The following DYNC1H1 variants were observed in gnomAD, a reference collection of about 807,000 sequenced individuals.
DYNC1H1 encodes cytoplasmic dynein 1 heavy chain 1.
A neutral mutation model predicts 527.1 loss-of-function variants in DYNC1H1; 51 were observed. The observed-to-expected ratio is 0.10, with a 90% CI of 0.08 to 0.12. The LOEUF (loss-of-function observed/expected upper bound fraction) is 0.12. DYNC1H1 is among the 10% of genes least tolerant of loss of function. The pLI, the probability that DYNC1H1 is intolerant of heterozygous loss-of-function variation, is 1.00. For missense variants in DYNC1H1, 2,771 were observed against 5,971.8 expected (o/e 0.46, Z 17.66); for synonymous variants, 2,189 against 2,278.8 (o/e 0.96, Z 1.12).
chr14:101,966,642 AC>A (rs1437983078), intron 1 of DYNC1H1, among the ~76,000 whole-genome samples: 5 of 152,172 alleles, frequency 3.3e-5, no homozygotes, highest in Non-Finnish European at 5.9e-5. Flanking sequence ...GAGTAGCTTG[AC>A]CATTGCTAAT....
rs1260741430 is a variant in DYNC1H1 at position 102,030,311 on chromosome 14, T to A, written c.9883+29T>A. ...TGTAAAGACTGTCAGAGCTTTGATG[T>A]CTAGGAAGGGTGGTCTCCGTCAACA... On this transcript the variant is annotated intron_variant, in intron 51 of 77. Transcript: ENST00000360184. 1.9e-6 allele frequency: 3 copies of A among 1,613,964 alleles called. No homozygotes were observed. In the African/African-American group the frequency reaches 4.0e-5, roughly 22 times the overall value.
At chr14:102,024,528 C>T (rs970058035) in intron 43 of DYNC1H1, among the ~76,000 whole-genome samples, 6 of 152,196 alleles carry the variant, frequency 3.9e-5, no homozygotes, top group South Asian at 4.1e-4. Context: ...AGGTTCACCA[C>T]GTCAGGGAGG....
chr14:102,019,477 T>C (rs1414852673), intron 41 of DYNC1H1, among the ~76,000 whole-genome samples: 1 of 152,248 alleles, frequency 6.6e-6, no homozygotes, highest in Non-Finnish European at 1.5e-5. Flanking sequence ...TTTAAGTATT[T>C]TCAGAAGGAT....
intron 9 of DYNC1H1, 111 bp from the exon 10 acceptor site, chr14:101,988,592 A>C: frequency 2.9e-6 from 4 of 1,382,412 alleles, no homozygotes; most frequent in Non-Finnish European, 4.1e-6. Flanking sequence ...GAAGGCTTCT[A>C]GTCCGGAACT....
rs922811293 is a variant in DYNC1H1 at position 101,997,900 on chromosome 14, AGGT to A, written c.3804+634_3804+636del. ...ATGAGCAAGAAGAGACAGGAAAGGC[AGGT>A]GGTGGTGCTGCTGCGACAGAAGCAG... On this transcript the variant is annotated intron_variant, in intron 16 of 77. Transcript: ENST00000360184. This position sits in a 1 kb window ranked among gnomAD's most constrained non-coding sequence, Gnocchi z 4.8. Among the ~76,000 whole-genome samples, 9 of 152,282 alleles carry A rather than the reference AGGT, an allele frequency of 5.9e-5. No individual in the cohort carries two copies. Among genetic ancestry groups the A allele is most frequent in the African/African-American group, 2.2e-4 (9 of 41,570 alleles).
At position 102,012,987 on chromosome 14, in the gene DYNC1H1, C is replaced by T. The variant is rs1337287139; in HGVS notation, c.7014+517C>T. 6 of 182,720 alleles carry T rather than the reference C, an allele frequency of 3.3e-5. No homozygotes were observed. Among genetic ancestry groups the T allele is most frequent in the Middle Eastern group, 2.7e-3 (1 of 368 alleles). The allele number at this position is 182,720 out of a possible 1,614,324, so 11.3% of individuals were successfully genotyped here. ...AAGACAGGCCGGGCGCGGTGGCTCA[C>T]GCCTGTAATCCCAGCACTTTGGGAG... On this transcript the variant is annotated intron_variant, in intron 34 of 77. Transcript: ENST00000360184. This position sits in a 1 kb window ranked among gnomAD's most constrained non-coding sequence, Gnocchi z 4.9.
chr14:102,012,470 T>C lies in DYNC1H1; in HGVS notation c.7014T>C (p.Asn2338=), dbSNP rs755129592. 7 of 1,614,072 alleles carry C rather than the reference T, an allele frequency of 4.3e-6. No homozygotes were observed. The highest frequency in any genetic ancestry group is 5.9e-6 in the Non-Finnish European group (7 of 1,180,038). The part of the protein sequence containing the change: ...PNGERLSLPP[N]VRIMFEVQDL... ...GAGAGCGCCTCAGTCTTCCACCCAA[T>C]GTAAGTAGCCTTTTGTATGTCGTCA... Residue 2338 remains asparagine (N), a splice_region_variant and synonymous_variant, in exon 34 of 78, where the codon AAT becomes AAC. Coordinates refer to ENST00000360184, the MANE Select transcript of DYNC1H1 (RefSeq NM_001376.5). The surrounding 1 kb of genome is among the most constrained non-coding windows in gnomAD (Gnocchi z 4.9).
At chr14:102,000,181 C>G in intron 17 of DYNC1H1, 37 bp downstream of exon 17, 1 of 1,614,106 alleles carries the variant, frequency 6.2e-7, no homozygotes, top group African/African-American at 1.3e-5. Context: ...GAATCCCGCT[C>G]CCCACCCGGA....
Position 101,979,281 on chromosome 14 carries a change from G to A in DYNC1H1, c.345-38G>A. 1 of 1,603,292 alleles carries A rather than the reference G, an allele frequency of 6.2e-7. No homozygotes were observed. ...TAAATTAATAAGCCTAATTAGGAGT[G>A]TAACTTTTCTAATTTCTTGTTTTAT... On this transcript the variant is annotated intron_variant, in intron 2 of 77. Coordinates refer to ENST00000360184, the MANE Select transcript of DYNC1H1 (RefSeq NM_001376.5). The surrounding 1 kb of genome is among the most constrained non-coding windows in gnomAD (Gnocchi z 4.6).
At chr14:102,040,537 C>T in intron 63 of DYNC1H1, 61 bp from the exon 64 acceptor site, 7 of 1,611,902 alleles carry the variant, frequency 4.3e-6, no homozygotes, top group South Asian at 1.1e-5. Flanking sequence ...CTCGCTCAGT[C>T]GTGGGTTCTG....
intron 52 of DYNC1H1, chr14:102,032,851 T>C: frequency 1.7e-6 from 1 of 603,302 alleles, no homozygotes; most frequent in Non-Finnish European, 2.9e-6. Context: ...AAACCCTGTC[T>C]CATTAAAAAA....
intron 42 of DYNC1H1, among the ~76,000 whole-genome samples, chr14:102,022,264 A>C (rs1375408183): frequency 6.6e-6 from 1 of 151,918 alleles, no homozygotes; most frequent in East Asian, 1.9e-4. Context: ...TGGGAGGCCG[A>C]GGCGGGCGGA....
At position 102,033,515 on chromosome 14, in the gene DYNC1H1, TC is replaced by T; in HGVS notation, c.10413+33del. On this transcript the variant is annotated intron_variant, in intron 54 of 77. Coordinates refer to ENST00000360184, the MANE Select transcript of DYNC1H1 (RefSeq NM_001376.5). The surrounding 1 kb of genome is among the most constrained non-coding windows in gnomAD (Gnocchi z 5.6). ...ATTATCATCATTGATCCTCAGCCTTTCCTGCTGTGGAAGCAGAGATTAACAC... is the reference window on the plus strand; with the variant it reads ...ATTATCATCATTGATCCTCAGCCTTTCTGCTGTGGAAGCAGAGATTAACAC... The T allele has an allele frequency of 4.3e-6, 7 of 1,612,040 alleles. No homozygotes were observed. The highest frequency in any genetic ancestry group is 5.9e-6 in the Non-Finnish European group (7 of 1,178,802).
intron 1 of DYNC1H1, chr14:101,969,581 C>T (rs1323297935): frequency 6.5e-6 from 1 of 154,134 alleles, no homozygotes; most frequent in Non-Finnish European, 1.5e-5. Flanking sequence ...TCAGATGCTT[C>T]TTGGCCTGAC....
Position 102,044,009 on chromosome 14 carries a change from C to T in DYNC1H1, c.12648C>T (p.Cys4216=), listed in dbSNP as rs772003695. 13 of 1,614,080 alleles carry T rather than the reference C, an allele frequency of 8.1e-6. No homozygotes were observed. The highest frequency in any genetic ancestry group is 2.2e-5 in the East Asian group (1 of 44,880). ...EFGESDLRSA[C]DTVDTWLDDT... is the part of the protein sequence containing the mutation. ...GAGAGTCTGACCTGCGGTCAGCTTG[C>T]GATACGGTGGACACGTGGCTGGATG... Residue 4216 remains cysteine (C), a synonymous_variant, in exon 70 of 78, where the codon TGC becomes TGT. Coordinates refer to ENST00000360184, the MANE Select transcript of DYNC1H1 (RefSeq NM_001376.5). This position sits in a 1 kb window ranked among gnomAD's most constrained non-coding sequence, Gnocchi z 7.1.
At chr14:101,978,685 T>G (rs1451277989) in intron 2 of DYNC1H1, among the ~76,000 whole-genome samples, 1 of 152,158 alleles carries the variant, frequency 6.6e-6, no homozygotes, top group Admixed American at 6.5e-5. Context: ...CATAACTAAT[T>G]GTAATACTTG....
At chr14:101,976,751 A>G (rs559290226) in intron 2 of DYNC1H1, among the ~76,000 whole-genome samples, 1 of 152,326 alleles carries the variant, frequency 6.6e-6, no homozygotes, top group Admixed American at 6.5e-5. Context: ...CTCAGGTTAC[A>G]GTCAGCCCTC....
chr14:101,986,638 G>T lies in DYNC1H1; in HGVS notation c.2413G>T (p.Val805Leu). Residue 805 changes from valine (V) to leucine (L), a missense_variant, in exon 8 of 78, where the codon GTG (valine) becomes TTG (leucine). By Grantham distance (32) the Val-to-Leu change is conservative. Transcript: ENST00000360184. This position sits in a 1 kb window ranked among gnomAD's most constrained non-coding sequence, Gnocchi z 8.7. ...GGAGCGGAACACCATTTCCCTTTTG[G>T]TGGCTGGCTTGAAAAAGGAAGTGCA... ...VEERNTISLL[V>L]AGLKKEVQAL... is the part of the protein sequence containing the mutation. 6.2e-7 allele frequency: 1 copy of T among 1,613,160 alleles called. No individual in the cohort carries two copies. The highest frequency in any genetic ancestry group is 8.5e-7 in the Non-Finnish European group (1 of 1,179,136).
rs1353924432 is a variant in DYNC1H1 at position 101,964,950 on chromosome 14, G to C, written c.256+3G>C. The C allele has an allele frequency of 6.3e-7, 1 of 1,591,526 alleles. No individual in the cohort carries two copies. Among genetic ancestry groups the C allele is most frequent in the Non-Finnish European group, 8.5e-7 (1 of 1,170,346 alleles). On this transcript the variant is annotated splice_donor_region_variant and intron_variant, in intron 1 of 77. Transcript: ENST00000360184. This position sits in a 1 kb window ranked among gnomAD's most constrained non-coding sequence, Gnocchi z 5.5. ...GGTGGAGCGCTCCACGCTCAAAGGT[G>C]CGGGGCCGCGGAGGGCAGGGTCGCC...
Sources: gnomAD v4.1 joint callset for allele counts (sites outside exome capture counted in the v4.1 genomes callset) on GRCh38, gnomAD v4.1.1 for gene constraint, Gnocchi (gnomAD v3.1) non-coding constraint, MANE v1.5 for transcripts, NCBI Gene and HGNC (gene_info 2026-07-23, HGNC 2026-07-21) for gene names.